Variants in CYTH4 observed in about 807,000 individuals in gnomAD.
CYTH4 encodes the protein cytohesin-4.
A neutral mutation model predicts 57.5 loss-of-function variants in CYTH4; 22 were observed. The observed-to-expected ratio is 0.38, with a 90% confidence interval of 0.27 to 0.55. The LOEUF (loss-of-function observed/expected upper bound fraction) is 0.55. CYTH4 is among the 20% of genes least tolerant of loss of function. The pLI is 0.74. For missense variants in CYTH4, 420 were observed against 535.6 expected (o/e 0.78, Z 2.13); for synonymous variants, 186 against 206.5 (o/e 0.90, Z 0.85).
intron 8 of CYTH4, among the ~76,000 whole-genome samples, chr22:37,305,409 C>T (rs747581736): frequency 1.3e-5 from 2 of 152,160 alleles, no homozygotes; most frequent in African/African-American, 2.4e-5. Context: ...GAACAGAGCG[C>T]TGGACTCAGA....
At position 37,311,447 on chromosome 22, in the gene CYTH4, TC is replaced by T. The variant is rs781641180; in HGVS notation, c.886-6del. 6.8e-6 allele frequency: 11 copies of T among 1,613,230 alleles called. No homozygotes were observed. Among genetic ancestry groups the T allele is most frequent in the Admixed American group, 5.0e-5 (3 of 59,972 alleles). ...CCTGACCCTGACCTTCCTTCCCCTTTCCCTGTAGGACAAGGAGCCACGGGGA... is the reference window on the plus strand; with the variant it reads ...CCTGACCCTGACCTTCCTTCCCCTTTCCTGTAGGACAAGGAGCCACGGGGA... On this transcript the variant is annotated splice_polypyrimidine_tract_variant and splice_region_variant and intron_variant, in intron 10 of 12. Coordinates refer to ENST00000248901, the MANE Select transcript of CYTH4 (RefSeq NM_013385.5). This position sits in a 1 kb window ranked among gnomAD's most constrained non-coding sequence, Gnocchi z 4.4.
At chr22:37,288,089 G>A (rs1186026005) in intron 1 of CYTH4, among the ~76,000 whole-genome samples, 3 of 152,048 alleles carry the variant, frequency 2.0e-5, no homozygotes, top group Admixed American at 2.0e-4. Context: ...GACCAGCCTG[G>A]CCAACATAGT....
rs564940136 is a variant in CYTH4 at position 37,311,672 on chromosome 22, C to G, written c.957+145C>G. The G allele has an allele frequency of 6.5e-5, 53 of 819,816 alleles. 1 individual carries two copies. In the South Asian group the frequency reaches 7.6e-4, roughly 12 times the overall value. 50.8% of individuals were successfully genotyped at this position (819,816 alleles called of 1,614,324 possible). A position where few individuals can be genotyped will look rare whatever the true frequency, so the allele number is the denominator to read the frequency against. On this transcript the variant is annotated intron_variant, in intron 11 of 12. Transcript: ENST00000248901. The surrounding 1 kb of genome is among the most constrained non-coding windows in gnomAD (Gnocchi z 4.4). ...TCCCTGTGGCTCAGGGCTGCCTTCT[C>G]TCCCTCCTGGGGCCATGGACAGTGA...
chr22:37,292,539 A>T, intron 1 of CYTH4, 82 bp from the exon 2 acceptor site: 1 of 1,433,470 alleles, frequency 7.0e-7, no homozygotes, highest in Non-Finnish European at 9.7e-7. Context: ...GGGTTTCCGG[A>T]GGGAAGGGGG....
In CYTH4 at chr22:37,296,044, G is replaced by A; in HGVS notation, c.213G>A (p.Lys71=). The change falls in exon 4 of 13, where the codon AAG becomes AAA. Residue 71 remains lysine, a synonymous_variant. Coordinates refer to ENST00000248901, the MANE Select transcript of CYTH4 (RefSeq NM_013385.5). ...AGGAGCTGTGTATTGGGCGCAAGAA[G>A]TTCAACATGGACCCCGCCAAGGTAG... The part of the protein sequence containing the change: ...KEKELCIGRK[K]FNMDPAKGIQ... 2 of 1,613,306 alleles carry A rather than the reference G, an allele frequency of 1.2e-6. No homozygotes were observed. The highest frequency in any genetic ancestry group is 1.7e-6 in the Non-Finnish European group (2 of 1,179,594).
chr22:37,292,593 A>G, intron 1 of CYTH4, 28 bp from the exon 2 acceptor site: 8 of 1,611,448 alleles, frequency 5.0e-6, no homozygotes, highest in Non-Finnish European at 6.8e-6. Context: ...GAGCCAAGTG[A>G]TGGGGAAGGC....
intron 7 of CYTH4, among the ~76,000 whole-genome samples, chr22:37,302,789 G>A (rs571892690): frequency 2.4e-4 from 36 of 152,286 alleles, no homozygotes; most frequent in Admixed American, 1.8e-3. Context: ...TGGGAGAGGC[G>A]CTGGGGCTCA....
rs762112420 is a variant in CYTH4 at position 37,313,640 on chromosome 22, G to A, written c.*129G>A. On this transcript the variant is annotated 3_prime_UTR_variant, in exon 13 of 13. Coordinates refer to ENST00000248901, the MANE Select transcript of CYTH4 (RefSeq NM_013385.5). The stretch of plus-strand genomic sequence containing the variant: ...CATCATTGCTGTTCCCCGTTACCTC[G>A]AGCTGACTCTAGAGGGGAAGGCAGA... 4.1e-5 allele frequency: 35 copies of A among 855,608 alleles called. No individual in the cohort carries two copies. Among genetic ancestry groups the A allele is most frequent in the Admixed American group, 1.9e-4 (9 of 47,004 alleles). 53.0% of individuals were successfully genotyped at this position (855,608 alleles called of 1,614,324 possible). A position where few individuals can be genotyped will look rare whatever the true frequency, so the allele number is the denominator to read the frequency against.
chr22:37,289,821 A>T (rs927513183), intron 1 of CYTH4, among the ~76,000 whole-genome samples: 1 of 152,172 alleles, frequency 6.6e-6, no homozygotes, highest in African/African-American at 2.4e-5. Context: ...TCTGCATAGT[A>T]TATAATTCTC....
chr22:37,294,501 T>C (rs576548506), intron 2 of CYTH4, among the ~76,000 whole-genome samples, 159 bp from the exon 3 acceptor site: 1 of 152,100 alleles, frequency 6.6e-6, no homozygotes, highest in Admixed American at 6.5e-5. Flanking sequence ...GACCTGTCCA[T>C]GGAGGGTCCC....
chr22:37,282,586 C>T lies in CYTH4; in HGVS notation c.17C>T (p.Pro6Leu). Reference sequence around the variant, plus strand: ...GGCGTCGGAATGGACCTGTGCCACCCAGGTAAGCAACTGCCGTCAACCTCT... The same window carrying T: ...GGCGTCGGAATGGACCTGTGCCACCTAGGTAAGCAACTGCCGTCAACCTCT... MDLCH[P>L]EPAELSSGET... is the part of the protein sequence containing the mutation. The change falls in exon 1 of 13, where the codon CCA (proline) becomes CTA (leucine). Residue 6 changes from proline (P) to leucine (L), a missense_variant and splice_region_variant. Transcript: ENST00000248901. 6.2e-7 allele frequency: 1 copy of T among 1,612,556 alleles called. No homozygotes were observed. Among genetic ancestry groups the T allele is most frequent in the Non-Finnish European group, 8.5e-7 (1 of 1,179,342 alleles).
chr22:37,310,996 G>A lies in CYTH4; in HGVS notation c.817G>A (p.Val273Met), dbSNP rs758461042. The A allele has an allele frequency of 3.7e-6, 6 of 1,614,168 alleles. No homozygotes were observed. The highest frequency in any genetic ancestry group is 5.1e-6 in the Non-Finnish European group (6 of 1,180,014). Residue 273 changes from valine (V) to methionine (M), a missense_variant, in exon 10 of 13, where the codon GTG becomes ATG. By Grantham distance (21) the Val-to-Met change is conservative (BLOSUM62 1). Coordinates refer to ENST00000248901, the MANE Select transcript of CYTH4 (RefSeq NM_013385.5). The stretch of plus-strand genomic sequence containing the variant: ...ACATTGGCCTTGCGCAGGGGGCCGC[G>A]TGAAGACGTGGAAACGGCGCTGGTT... The part of the protein sequence containing the change: ...EGWLLKLGGR[V>M]KTWKRRWFIL...
intron 1 of CYTH4, among the ~76,000 whole-genome samples, chr22:37,288,307 G>C (rs908629210): frequency 1.3e-5 from 2 of 152,216 alleles, no homozygotes; most frequent in African/African-American, 4.8e-5. Flanking sequence ...AGCTGCTCAG[G>C]AGGCTGAGAC....
chr22:37,313,477 C>G lies in CYTH4; in HGVS notation c.1151C>G (p.Ser384Cys). Residue 384 changes from serine to cysteine, a missense_variant, in exon 13 of 13, where the codon TCT becomes TGT. Ser to Cys is a moderately radical substitution (Grantham distance 112, BLOSUM62 -1). Transcript: ENST00000248901. ...ITRVPFYDLV[S>C]TRKKKIASKQ ...CGTGTCCCCTTCTACGACCTGGTCTCTACTCGGAAGAAGAAGATTGCCAGC... is the reference window on the plus strand; with the variant it reads ...CGTGTCCCCTTCTACGACCTGGTCTGTACTCGGAAGAAGAAGATTGCCAGC... 1 of 1,614,196 alleles carries G rather than the reference C, an allele frequency of 6.2e-7. No individual in the cohort carries two copies. The highest frequency in any genetic ancestry group is 1.1e-5 in the South Asian group (1 of 91,084).
chr22:37,304,900 C>G (rs887829627), intron 8 of CYTH4, among the ~76,000 whole-genome samples: 6 of 152,172 alleles, frequency 3.9e-5, no homozygotes, highest in African/African-American at 1.4e-4. Context: ...ACGGGCAGAG[C>G]CTGTGCCAGG....
At position 37,295,879 on chromosome 22, in the gene CYTH4, A is replaced by G. The variant is rs918523626; in HGVS notation, c.168-120A>G. ...CAGGTGGTTCCCATGCAGGACCCGGAGGCCACACTTGGAGGGCCCTAGAGG... is the reference window on the plus strand; with the variant it reads ...CAGGTGGTTCCCATGCAGGACCCGGGGGCCACACTTGGAGGGCCCTAGAGG... On this transcript the variant is annotated intron_variant, in intron 3 of 12. Transcript: ENST00000248901. This position sits in a 1 kb window ranked among gnomAD's most constrained non-coding sequence, Gnocchi z 4.1. 2.9e-6 allele frequency: 3 copies of G among 1,017,544 alleles called. No homozygotes were observed. Among genetic ancestry groups the G allele is most frequent in the Non-Finnish European group, 4.5e-6 (3 of 667,938 alleles). The allele number at this position is 1,017,544 out of a possible 1,614,324, so 63.0% of individuals were successfully genotyped here.
intron 8 of CYTH4, among the ~76,000 whole-genome samples, chr22:37,306,748 G>A (rs917468063): frequency 6.6e-6 from 1 of 152,222 alleles, no homozygotes; most frequent in African/African-American, 2.4e-5. Flanking sequence ...CGCCTCCTCT[G>A]TGTTAATTTA....
chr22:37,311,579 T>C lies in CYTH4; in HGVS notation c.957+52T>C. 1 of 1,559,418 alleles carries C rather than the reference T, an allele frequency of 6.4e-7. No homozygotes were observed. Among genetic ancestry groups the C allele is most frequent in the Non-Finnish European group, 8.8e-7 (1 of 1,132,238 alleles). On this transcript the variant is annotated intron_variant, in intron 11 of 12. Coordinates refer to ENST00000248901, the MANE Select transcript of CYTH4 (RefSeq NM_013385.5). This position sits in a 1 kb window ranked among gnomAD's most constrained non-coding sequence, Gnocchi z 4.4. Reference sequence around the variant, plus strand: ...AGGCTGGAGCCACTGGGAAATTTCCTAAACAGAACGTGGGGAGAGGGCCTG... The same window carrying C: ...AGGCTGGAGCCACTGGGAAATTTCCCAAACAGAACGTGGGGAGAGGGCCTG...
chr22:37,305,541 G>C (rs1929363390), intron 8 of CYTH4, among the ~76,000 whole-genome samples: 1 of 152,262 alleles, frequency 6.6e-6, no homozygotes, highest in African/African-American at 2.4e-5. Flanking sequence ...CCAAGTGCCT[G>C]GTGTAGTTGG....
Sources: allele counts gnomAD v4.1 joint callset (sites outside exome capture counted in the v4.1 genomes callset), GRCh38; gene constraint gnomAD v4.1.1; non-coding constraint Gnocchi (gnomAD v3.1); transcripts MANE v1.5; gene names NCBI Gene and HGNC (gene_info 2026-07-23, HGNC 2026-07-21).